Variants in LRBA observed in about 807,000 individuals in gnomAD.
LRBA encodes lipopolysaccharide-responsive and beige-like anchor protein.
LRBA carries 176 observed loss-of-function variants against 330.0 expected under a neutral mutation model. The observed-to-expected ratio is 0.53, with a 90% CI of 0.47 to 0.60. The LOEUF is 0.60. Among genes scored for constraint, LRBA ranks in the 20% least tolerant of loss-of-function variants. The pLI is 0.00. For missense variants in LRBA, 3,259 were observed against 3,444.8 expected, an observed-to-expected ratio of 0.95 and a Z score of 1.35; for synonymous variants, 1,230 against 1,193.0, an observed-to-expected ratio of 1.03 and a Z score of -0.64.
At chr4:150,533,293 A>G (rs1764247389) in intron 40 of LRBA, among the ~76,000 whole-genome samples, 1 of 151,980 alleles carries the variant, frequency 6.6e-6, no homozygotes, top group Non-Finnish European at 1.5e-5. Context: ...CAATCCTCCC[A>G]TCTTAGCCTC....
At chr4:150,964,549 G>A (rs1002060353) in intron 2 of LRBA, among the ~76,000 whole-genome samples, 1 of 151,058 alleles carries the variant, frequency 6.6e-6, no homozygotes, top group African/African-American at 2.5e-5. Flanking sequence ...TCTGAAACAT[G>A]TGCTGTGTCC....
intron 49 of LRBA, among the ~76,000 whole-genome samples, chr4:150,323,724 G>T (rs562139475): frequency 6.6e-6 from 1 of 152,270 alleles, no homozygotes; most frequent in African/African-American, 2.4e-5. Flanking sequence ...TATATCCTTG[G>T]CTAAAAAGCA....
At chr4:150,715,813 T>TAAAGACTGC (rs1281671019) in intron 36 of LRBA, among the ~76,000 whole-genome samples, 1 of 152,190 alleles carries the variant, frequency 6.6e-6, no homozygotes, top group African/African-American at 2.4e-5. Context: ...CATTACAACT[T>TAAAGACTGC]AAAGACTGCA....
chr4:150,979,635 T>C (rs1401599112), intron 2 of LRBA, among the ~76,000 whole-genome samples: 1 of 151,976 alleles, frequency 6.6e-6, no homozygotes, highest in East Asian at 1.9e-4. Flanking sequence ...AGAGCTTTTA[T>C]TAGTTTTCTT....
intron 27 of LRBA, 41 bp from the exon 28 acceptor site, chr4:150,844,248 T>C (rs1313096534): frequency 1.1e-6 from 1 of 952,054 alleles, no homozygotes; most frequent in Admixed American, 2.1e-5. Context: ...TATATATTCA[T>C]ATATACATTA....
intron 40 of LRBA, among the ~76,000 whole-genome samples, chr4:150,559,536 T>C (rs1370121131): frequency 7.7e-6 from 1 of 130,346 alleles, no homozygotes; most frequent in Non-Finnish European, 1.6e-5. Context: ...ATATATACAT[T>C]ATATATAAGA....
intron 36 of LRBA, among the ~76,000 whole-genome samples, chr4:150,714,073 G>A (rs563019184): frequency 1.2e-3 from 183 of 152,252 alleles, no homozygotes; most frequent in Non-Finnish European, 2.3e-3. Context: ...ACTCCACAAT[G>A]AGATAAGTAT....
intron 40 of LRBA, among the ~76,000 whole-genome samples, chr4:150,563,610 G>A (rs779886974): frequency 7.2e-5 from 11 of 152,132 alleles, no homozygotes; most frequent in Non-Finnish European, 1.3e-4. Flanking sequence ...GTTTGCAGAC[G>A]ACATGATTGT....
At chr4:150,734,142 TTTTC>T (rs1730878837) in intron 36 of LRBA, among the ~76,000 whole-genome samples, 1 of 152,124 alleles carries the variant, frequency 6.6e-6, no homozygotes, top group African/African-American at 2.4e-5. Context: ...ATATAAATCT[TTTTC>T]TGTGAGTTTT....
intron 47 of LRBA, among the ~76,000 whole-genome samples, chr4:150,411,946 C>A (rs1412560194): frequency 6.6e-6 from 1 of 151,864 alleles, no homozygotes; most frequent in East Asian, 1.9e-4. Context: ...ACATAAGATA[C>A]AATACTAACA....
intron 46 of LRBA, among the ~76,000 whole-genome samples, chr4:150,421,960 A>G (rs1018085956): frequency 6.6e-6 from 1 of 152,160 alleles, no homozygotes; most frequent in African/African-American, 2.4e-5. Flanking sequence ...CAGAACAAAA[A>G]CAAAACACAG....
At chr4:150,675,882 C>G (rs1410892502) in intron 37 of LRBA, among the ~76,000 whole-genome samples, 1 of 152,028 alleles carries the variant, frequency 6.6e-6, no homozygotes, top group Non-Finnish European at 1.5e-5. Flanking sequence ...ATATAAAGCT[C>G]TAAATTTTAT....
At chr4:150,875,819 A>G (rs533321646) in intron 17 of LRBA, among the ~76,000 whole-genome samples, 1 of 152,374 alleles carries the variant, frequency 6.6e-6, no homozygotes, top group Non-Finnish European at 1.5e-5. Flanking sequence ...TTCAGACACC[A>G]TGAAAAATCT....
At chr4:150,762,405 T>C (rs1239995082) in intron 34 of LRBA, among the ~76,000 whole-genome samples, 4 of 151,858 alleles carry the variant, frequency 2.6e-5, no homozygotes, top group Non-Finnish European at 5.9e-5. Context: ...CTACTAACTA[T>C]ATTCTTGATC....
chr4:150,859,552 C>T (rs1392102059), intron 22 of LRBA, among the ~76,000 whole-genome samples: 1 of 151,960 alleles, frequency 6.6e-6, no homozygotes, highest in African/African-American at 2.4e-5. Context: ...TCTTTAAAAC[C>T]CTGAGATCAA....
At chr4:150,508,513 T>G (rs1761440105) in intron 40 of LRBA, among the ~76,000 whole-genome samples, 1 of 152,152 alleles carries the variant, frequency 6.6e-6, no homozygotes, top group African/African-American at 2.4e-5. Flanking sequence ...GGTCTCGAAC[T>G]CCTGACCTCA....
chr4:150,518,303 C>T (rs1179017365), intron 40 of LRBA, among the ~76,000 whole-genome samples: 1 of 152,084 alleles, frequency 6.6e-6, no homozygotes, highest in Non-Finnish European at 1.5e-5. Flanking sequence ...GATCCATGTC[C>T]CAGGCAGGAA....
chr4:150,851,788 T>C, intron 23 of LRBA, 97 bp downstream of exon 23: 2 of 1,289,868 alleles, frequency 1.6e-6, no homozygotes, highest in African/African-American at 1.5e-5. Context: ...GAATAGCATG[T>C]GAACCAAATT....
intron 48 of LRBA, among the ~76,000 whole-genome samples, chr4:150,327,356 G>A (rs1008272896): frequency 6.6e-6 from 1 of 152,140 alleles, no homozygotes; most frequent in Non-Finnish European, 1.5e-5. Flanking sequence ...GGAGTTCGAG[G>A]CAGCAGTGAG....
Sources: gnomAD v4.1 joint callset for allele counts (sites outside exome capture counted in the v4.1 genomes callset) on GRCh38, gnomAD v4.1.1 for gene constraint, MANE v1.5 for transcripts, NCBI Gene and HGNC (gene_info 2026-07-23, HGNC 2026-07-21) for gene names.